GPR37: variants seen among roughly 807,000 people sequenced by gnomAD.
GPR37 encodes prosaposin receptor GPR37.
GPR37 carries 20 observed loss-of-function variants against 43.6 expected under a neutral mutation model. The observed-to-expected ratio is 0.46, with a 90% CI of 0.32 to 0.67. GPR37 has a LOEUF of 0.67. GPR37 is among the 30% of genes least tolerant of loss of function. GPR37 has a pLI of 0.03. For missense variants in GPR37, 724 were observed against 797.2 expected, an observed-to-expected ratio of 0.91 and a Z score of 1.11; for synonymous variants, 315 against 322.6, an observed-to-expected ratio of 0.98 and a Z score of 0.25.
chr7:124,756,972 T>C (rs2267707), intron 1 of GPR37, among the ~76,000 whole-genome samples: 51,943 of 152,028 alleles, frequency 0.34, 9,342 homozygotes, highest in East Asian at 0.51. Flanking sequence ...GCAGACACAT[T>C]TGCCTCCTTG....
intron 1 of GPR37, among the ~76,000 whole-genome samples, chr7:124,756,034 C>A (rs928556407): frequency 2.6e-5 from 4 of 152,134 alleles, no homozygotes; most frequent in Non-Finnish European, 4.4e-5. Context: ...CTGCTTTTAA[C>A]CAAAATTTCA....
At position 124,764,576 on chromosome 7, in the gene GPR37, A is replaced by G. The variant is rs200266692; in HGVS notation, c.401T>C (p.Leu134Ser). ...GARGQEPSET[L>S]GRGNPTALQL... Reference sequence around the variant, plus strand: ...GAGGGCCGTGGGGTTCCCTCTCCCCAAAGTTTCAGAAGGCTCCTGACCCCG... The same window carrying G: ...GAGGGCCGTGGGGTTCCCTCTCCCCGAAGTTTCAGAAGGCTCCTGACCCCG... The change falls in exon 1 of 2, where the codon TTG (leucine) becomes TCG (serine). Residue 134 changes from leucine (L) to serine (S), a missense_variant. Coordinates refer to ENST00000303921, the MANE Select transcript of GPR37 (RefSeq NM_005302.5). This position sits in a 1 kb window ranked among gnomAD's most constrained non-coding sequence, Gnocchi z 5.4. The G allele has an allele frequency of 3.0e-4, 486 of 1,611,852 alleles. 1 individual carries two copies. Among genetic ancestry groups the G allele is most frequent in the Non-Finnish European group, 1.5e-5 (18 of 1,179,084 alleles).
chr7:124,764,205 A>C lies in GPR37; in HGVS notation c.772T>G (p.Ser258Ala), dbSNP rs1269346289. ...CACATGACCGCGTAGGCTCCATAGG[A>C]CTCCTGGGTCAGCGGGTAGAAGGGG... is the stretch of plus-strand genomic sequence containing the variant. ...KNPFYPLTQE[S>A]YGAYAVMCLS... is the part of the protein sequence containing the mutation. The change falls in exon 1 of 2, where the codon TCC (serine) becomes GCC (alanine). Residue 258 changes from serine to alanine, a missense_variant. This residue lies in a region of GPR37 where 382 missense variants were observed against 355.4 expected (regional missense o/e 1.07). Coordinates refer to ENST00000303921, the MANE Select transcript of GPR37 (RefSeq NM_005302.5). This position sits in a 1 kb window ranked among gnomAD's most constrained non-coding sequence, Gnocchi z 5.4. 6.3e-7 allele frequency: 1 copy of C among 1,592,208 alleles called. No homozygotes were observed. The highest frequency in any genetic ancestry group is 8.6e-7 in the Non-Finnish European group (1 of 1,169,174).
chr7:124,752,748 T>G (rs1340326985), intron 1 of GPR37, among the ~76,000 whole-genome samples: 2 of 152,330 alleles, frequency 1.3e-5, no homozygotes, highest in Non-Finnish European at 2.9e-5. Context: ...ATATCATCTA[T>G]GTCCTACTTA....
Position 124,746,586 on chromosome 7 carries a change from G to A in GPR37, c.1781C>T (p.Ser594Leu), listed in dbSNP as rs1216806022. 10 of 1,613,702 alleles carry A rather than the reference G, an allele frequency of 6.2e-6. No individual in the cohort carries two copies. Among genetic ancestry groups the A allele is most frequent in the African/African-American group, 2.7e-5 (2 of 74,888 alleles). The change falls in exon 2 of 2, where the codon TCG becomes TTG. Residue 594 changes from serine (S) to leucine (L), a missense_variant. Around this residue, in one of 2 missense-constraint regions of GPR37, gnomAD observed 342 missense variants for 441.8 expected, o/e 0.77. Coordinates refer to ENST00000303921, the MANE Select transcript of GPR37 (RefSeq NM_005302.5). ...TTCACGGCGTATGGTACTGAAAGGCGAGAGTTCGAGTTCCGTGGTGTACTC... is the reference window on the plus strand; with the variant it reads ...TTCACGGCGTATGGTACTGAAAGGCAAGAGTTCGAGTTCCGTGGTGTACTC... ...DNEYTTELEL[S>L]PFSTIRREMS... is the part of the protein sequence containing the mutation.
At chr7:124,750,313 G>A (rs1400407991) in intron 1 of GPR37, among the ~76,000 whole-genome samples, 1 of 152,020 alleles carries the variant, frequency 6.6e-6, no homozygotes, top group Non-Finnish European at 1.5e-5. Context: ...CTTCACTAAG[G>A]CAAATCTTTG....
At chr7:124,758,714 A>T (rs1793820152) in intron 1 of GPR37, among the ~76,000 whole-genome samples, 1 of 152,232 alleles carries the variant, frequency 6.6e-6, no homozygotes, top group Non-Finnish European at 1.5e-5. Flanking sequence ...ATTAGAAAAG[A>T]TTCTAGACTT....
chr7:124,746,804 C>T lies in GPR37; in HGVS notation c.1563G>A (p.Gly521=), dbSNP rs367965158. 31 of 1,613,878 alleles carry T rather than the reference C, an allele frequency of 1.9e-5. No homozygotes were observed. The highest frequency in any genetic ancestry group is 1.6e-4 in the Middle Eastern group (1 of 6,078). The change falls in exon 2 of 2, where the codon GGG becomes GGA. Residue 521 remains glycine, a synonymous_variant. Transcript: ENST00000303921. ...GGAGGTCCATTGTCTGCTGTGAAAC[C>T]CCTGTAGCCATGTAGGCAGTAACAA... ...CNIVTAYMAT[G]VSQQTMDLLN...
chr7:124,764,671 C>T lies in GPR37; in HGVS notation c.306G>A (p.Ala102=). The T allele has an allele frequency of 6.3e-7, 1 of 1,588,592 alleles. No homozygotes were observed. Among genetic ancestry groups the T allele is most frequent in the Non-Finnish European group, 8.6e-7 (1 of 1,168,384 alleles). ...PGRDPAAGRG[A]EASAAGPPGP... is the part of the protein sequence containing the mutation. ...CCGGGGGTCCGGCTGCCGACGCCTC[C>T]GCCCCTCTGCCTGCAGCCGGGTCAC... Residue 102 remains alanine, a synonymous_variant, in exon 1 of 2, where the codon GCG becomes GCA. Transcript: ENST00000303921. The surrounding 1 kb of genome is among the most constrained non-coding windows in gnomAD (Gnocchi z 5.4).
chr7:124,763,942 G>T lies in GPR37; in HGVS notation c.1023+12C>A. 6.2e-7 allele frequency: 1 copy of T among 1,611,858 alleles called. No individual in the cohort carries two copies. On this transcript the variant is annotated intron_variant, in intron 1 of 1. Transcript: ENST00000303921. ...TAAAGCCACTAGCTTGAGAGCCCCT[G>T]GAAGGCATTACCTCTATATAGGGCA...
rs1793889641 is a variant in GPR37 at position 124,764,396 on chromosome 7, T to C, written c.581A>G (p.His194Arg). The C allele has an allele frequency of 6.2e-7, 1 of 1,613,658 alleles. No individual in the cohort carries two copies. The highest frequency in any genetic ancestry group is 1.1e-5 in the South Asian group (1 of 91,088). ...ATTGGCCGTCTTGGACAGGGGCTTGTGGTGGGAACCCTGGAGTTTCCCGGC... is the reference window on the plus strand; with the variant it reads ...ATTGGCCGTCTTGGACAGGGGCTTGCGGTGGGAACCCTGGAGTTTCCCGGC... ...RRAGKLQGSHHKPLSKTANGL... is the reference protein window; with the variant it reads ...RRAGKLQGSHRKPLSKTANGL... The change falls in exon 1 of 2, where the codon CAC becomes CGC. Residue 194 changes from histidine (H) to arginine (R), a missense_variant. By Grantham distance (29) the His-to-Arg change is conservative. This residue lies in a region of GPR37 where 382 missense variants were observed against 355.4 expected (regional missense o/e 1.07). Coordinates refer to ENST00000303921, the MANE Select transcript of GPR37 (RefSeq NM_005302.5). This position sits in a 1 kb window ranked among gnomAD's most constrained non-coding sequence, Gnocchi z 5.4.
chr7:124,763,909 A>C lies in GPR37; in HGVS notation c.1023+45T>G, dbSNP rs201420358. 2.7e-5 allele frequency: 42 copies of C among 1,572,248 alleles called. No individual in the cohort carries two copies. In the East Asian group the frequency reaches 9.4e-4, roughly 35 times the overall value. On this transcript the variant is annotated intron_variant, in intron 1 of 1. Transcript: ENST00000303921. ...GCAGTTCTCTGATGCTATAATCCCG[A>C]AAACAGATAAAGCCACTAGCTTGAG...
rs1793645659 is a variant in GPR37 at position 124,744,440 on chromosome 7, A to G, written c.*2085T>C. On this transcript the variant is annotated 3_prime_UTR_variant, in exon 2 of 2. Coordinates refer to ENST00000303921, the MANE Select transcript of GPR37 (RefSeq NM_005302.5). ...TATGCACACGTAGCACAGAAGTCAA[A>G]CTGGGCTGTTTATTCTTCAATCACA... 6.6e-6 allele frequency: 1 copy of G among 152,134 alleles called. No homozygotes were observed. The highest frequency in any genetic ancestry group is 2.4e-5 in the African/African-American group (1 of 41,438). 9.4% of individuals were successfully genotyped at this position (152,134 alleles called of 1,614,324 possible).
At position 124,748,913 on chromosome 7, in the gene GPR37, TATAAA is replaced by T. The variant is rs557894530; in HGVS notation, c.1024-1575_1024-1571del. 3.2e-3 allele frequency among the ~76,000 whole-genome samples: 494 copies of T among 152,234 alleles called. 7 individuals are homozygous for T. The highest frequency in any genetic ancestry group is 0.011 in the African/African-American group (447 of 41,550). ...TAAGCATGCTATCATTTCATTTACT[TATAAA>T]ATATTTATTAAGCATTGTACATGTA... On this transcript the variant is annotated intron_variant, in intron 1 of 1. Transcript: ENST00000303921.
chr7:124,747,349 G>T lies in GPR37; in HGVS notation c.1024-6C>A. 1 of 1,584,162 alleles carries T rather than the reference G, an allele frequency of 6.3e-7. No homozygotes were observed. The highest frequency in any genetic ancestry group is 8.6e-7 in the Non-Finnish European group (1 of 1,158,874). The stretch of plus-strand genomic sequence containing the variant: ...GTGACTCCCAGAGAAGCGACCTGTG[G>T]GGGAACATAGAAGACATTTATTCCC... On this transcript the variant is annotated splice_region_variant and splice_polypyrimidine_tract_variant and intron_variant, in intron 1 of 1. Transcript: ENST00000303921.
intron 1 of GPR37, among the ~76,000 whole-genome samples, chr7:124,753,036 GTTACT>G (rs1036416015): frequency 6.6e-6 from 1 of 151,970 alleles, no homozygotes; most frequent in African/African-American, 2.4e-5. Context: ...AGCTTTATAT[GTTACT>G]TTAGTCATTT....
intron 1 of GPR37, among the ~76,000 whole-genome samples, chr7:124,753,646 A>G (rs980687347): frequency 4.6e-5 from 7 of 152,128 alleles, no homozygotes; most frequent in African/African-American, 1.7e-4. Context: ...TTACAGAAAG[A>G]AACCAACAAA....
At chr7:124,760,981 GC>G (rs1793844496) in intron 1 of GPR37, among the ~76,000 whole-genome samples, 1 of 151,838 alleles carries the variant, frequency 6.6e-6, no homozygotes, top group Non-Finnish European at 1.5e-5. Context: ...CATGGTGAAA[GC>G]CCATCTCTAC....
At chr7:124,756,984 C>G (rs902968297) in intron 1 of GPR37, among the ~76,000 whole-genome samples, 1 of 152,168 alleles carries the variant, frequency 6.6e-6, no homozygotes, top group African/African-American at 2.4e-5. Context: ...GCCTCCTTGT[C>G]TCTGTGGAAG....
Sources: allele counts gnomAD v4.1 joint callset (sites outside exome capture counted in the v4.1 genomes callset), GRCh38; gene constraint gnomAD v4.1.1; regional missense constraint gnomAD v4.1.1; non-coding constraint Gnocchi (gnomAD v3.1); transcripts MANE v1.5; gene names NCBI Gene and HGNC (gene_info 2026-07-23, HGNC 2026-07-21).